The following DLGAP2 variants were observed in gnomAD, a reference collection of about 807,000 sequenced individuals.
DLGAP2 encodes DLG associated protein 2.
Under a neutral mutation model 100.3 loss-of-function variants are expected in DLGAP2, and 26 were observed. That is an observed-to-expected ratio of 0.26 (90% confidence interval 0.19 to 0.36). DLGAP2 has a LOEUF of 0.36. Ranked by LOEUF, DLGAP2 falls within the 10% of genes least tolerant of loss-of-function variation. The pLI, the probability that DLGAP2 is intolerant of heterozygous loss-of-function variation, is 1.00. For synonymous variants in DLGAP2, 886 were observed against 630.1 expected, an observed-to-expected ratio of 1.41 and a Z score of -6.08; for missense variants, 1,858 against 1,453.2, an observed-to-expected ratio of 1.28 and a Z score of -4.53.
intron 1 of DLGAP2, among the ~76,000 whole-genome samples, chr8:763,302 C>T (rs561234748): frequency 1.0e-3 from 152 of 152,274 alleles, no homozygotes; most frequent in African/African-American, 2.7e-3. Context: ...GGACGCACAT[C>T]GTATTGAAGT....
intron 2 of DLGAP2, among the ~76,000 whole-genome samples, chr8:946,424 C>T (rs374392510): frequency 3.6e-4 from 55 of 152,046 alleles, no homozygotes; most frequent in African/African-American, 9.2e-4. Flanking sequence ...CCACCACGCC[C>T]GGCTAATTTT....
At chr8:1,366,657 C>G (rs776792351) in intron 3 of DLGAP2, among the ~76,000 whole-genome samples, 12 of 152,084 alleles carry the variant, frequency 7.9e-5, no homozygotes, top group Non-Finnish European at 1.5e-4. Context: ...GCAGAATTCA[C>G]TTGGTGCAGA....
intron 2 of DLGAP2, among the ~76,000 whole-genome samples, chr8:1,131,866 A>T (rs1223592111): frequency 6.6e-6 from 1 of 152,182 alleles, no homozygotes; most frequent in Non-Finnish European, 1.5e-5. Context: ...CCGTTTTTCA[A>T]TGCTGAGTCA....
At chr8:1,464,234 A>AAAG (rs1223108790) in intron 3 of DLGAP2, among the ~76,000 whole-genome samples, 2 of 151,566 alleles carry the variant, frequency 1.3e-5, no homozygotes, top group Non-Finnish European at 2.9e-5. Flanking sequence ...CCCTTCCAGG[A>AAAG]CGACACCCTT....
chr8:1,201,291 C>A (rs762690559), intron 2 of DLGAP2, among the ~76,000 whole-genome samples: 1 of 152,188 alleles, frequency 6.6e-6, no homozygotes, highest in African/African-American at 2.4e-5. Flanking sequence ...CCCCAGCATC[C>A]CCGCGCAGGT....
intron 2 of DLGAP2, among the ~76,000 whole-genome samples, chr8:990,028 T>G (rs903203495): frequency 5.9e-5 from 9 of 152,214 alleles, no homozygotes; most frequent in African/African-American, 2.2e-4. Flanking sequence ...CCTGGACCAC[T>G]GTGCCAGCAT....
At chr8:1,054,517 A>G (rs1802820447) in intron 2 of DLGAP2, among the ~76,000 whole-genome samples, 1 of 152,236 alleles carries the variant, frequency 6.6e-6, no homozygotes, top group East Asian at 1.9e-4. Context: ...AACTTACTGT[A>G]TATTAGAATA....
intron 6 of DLGAP2, among the ~76,000 whole-genome samples, chr8:1,568,365 TCCACTCA>T (rs1802499899): frequency 1.5e-5 from 1 of 67,984 alleles, no homozygotes; most frequent in African/African-American, 6.5e-5. Flanking sequence ...CATGCCACTG[TCCACTCA>T]GCACACACAA....
intron 2 of DLGAP2, among the ~76,000 whole-genome samples, chr8:1,165,655 T>A (rs1797000929): frequency 6.6e-6 from 1 of 152,242 alleles, no homozygotes; most frequent in African/African-American, 2.4e-5. Context: ...TCGTCTTTTT[T>A]AATTTTTAAT....
chr8:1,058,504 C>T (rs773637279), intron 2 of DLGAP2, among the ~76,000 whole-genome samples: 1 of 152,134 alleles, frequency 6.6e-6, no homozygotes, highest in African/African-American at 2.4e-5. Flanking sequence ...AGGTCAGCCT[C>T]GAGGGGCCAT....
At chr8:1,334,482 G>A (rs535490635) in intron 3 of DLGAP2, among the ~76,000 whole-genome samples, 64 of 152,258 alleles carry the variant, frequency 4.2e-4, no homozygotes, top group Middle Eastern at 3.4e-3. Flanking sequence ...CCTACTTTTC[G>A]TTCCACTAAA....
chr8:851,793 C>A (rs1475369334), intron 1 of DLGAP2, among the ~76,000 whole-genome samples: 1 of 152,182 alleles, frequency 6.6e-6, no homozygotes. Context: ...TGCTAGATGC[C>A]AGGAACCACA....
intron 2 of DLGAP2, among the ~76,000 whole-genome samples, chr8:1,015,153 A>G (rs1487355531): frequency 1.0e-4 from 2 of 19,562 alleles, no homozygotes; most frequent in Non-Finnish European, 2.1e-4. Context: ...GTGTGTGACC[A>G]GGACAGACGA....
At chr8:1,456,318 C>G (rs1227329677) in intron 3 of DLGAP2, among the ~76,000 whole-genome samples, 2 of 152,214 alleles carry the variant, frequency 1.3e-5, no homozygotes, top group African/African-American at 4.8e-5. Flanking sequence ...AGGCTGCCAC[C>G]CTGTACGTAT....
intron 1 of DLGAP2, among the ~76,000 whole-genome samples, chr8:868,410 A>G (rs1430312351): frequency 6.6e-6 from 1 of 152,174 alleles, no homozygotes; most frequent in Non-Finnish European, 1.5e-5. Flanking sequence ...AAAATGAGCC[A>G]TCTTTGTCAT....
intron 2 of DLGAP2, among the ~76,000 whole-genome samples, chr8:1,156,580 GC>G (rs1157790513): frequency 6.6e-6 from 1 of 151,680 alleles, no homozygotes; most frequent in African/African-American, 2.4e-5. Context: ...CCCCTGCTCA[GC>G]CCCCCAGCCC....
At chr8:1,250,028 A>G (rs1460547465) in intron 2 of DLGAP2, among the ~76,000 whole-genome samples, 1 of 152,098 alleles carries the variant, frequency 6.6e-6, no homozygotes, top group Admixed American at 6.6e-5. Flanking sequence ...CTACAGGTGC[A>G]TGCTGCCATA....
chr8:1,026,290 A>T (rs886998869), intron 2 of DLGAP2, among the ~76,000 whole-genome samples: 3 of 151,908 alleles, frequency 2.0e-5, no homozygotes, highest in African/African-American at 7.3e-5. Context: ...TTGCCCCATG[A>T]CCCCAACGCT....
intron 2 of DLGAP2, among the ~76,000 whole-genome samples, chr8:1,027,467 G>C (rs995647212): frequency 1.2e-4 from 17 of 146,852 alleles, no homozygotes; most frequent in African/African-American, 4.1e-4. Context: ...CTCCAGTTGG[G>C]GTGTCAGGCG....
Sources: allele counts gnomAD v4.1 joint callset (sites outside exome capture counted in the v4.1 genomes callset), GRCh38; gene constraint gnomAD v4.1.1; transcripts MANE v1.5; gene names NCBI Gene and HGNC (gene_info 2026-07-23, HGNC 2026-07-21).